The following SEPTIN7 variants were observed in gnomAD, a reference collection of about 807,000 sequenced individuals.
SEPTIN7 encodes septin 7, also known as septin-7.
In SEPTIN7, 10 loss-of-function variants were observed where a neutral mutation model predicts 63.3. The observed-to-expected ratio is 0.16, with a 90% CI of 0.10 to 0.27. The LOEUF is 0.27. SEPTIN7 is among the 10% of genes least tolerant of loss of function. SEPTIN7 has a pLI of 1.00. For missense variants in SEPTIN7, 310 were observed against 521.0 expected (o/e 0.59, Z 3.94); for synonymous variants, 131 against 165.3 (o/e 0.79, Z 1.59).
chr7:35,825,956 G>T (rs1783489021), intron 1 of SEPTIN7, among the ~76,000 whole-genome samples: 2 of 152,090 alleles, frequency 1.3e-5, no homozygotes, highest in African/African-American at 4.8e-5. Context: ...GTAAAAAGAG[G>T]AGAGCTGGGG....
rs1784778344 is a variant in SEPTIN7, at chr7:35,848,128, T to G, written c.169+15228T>G. On this transcript the variant is annotated intron_variant, in intron 3 of 13. Transcript: ENST00000350320. Reference sequence around the variant, plus strand: ...TGCTGTGTTTCTGCAAAATCTACTTTTTCTGATTCGTGTAACTCAAAACTA... The same window carrying G: ...TGCTGTGTTTCTGCAAAATCTACTTGTTCTGATTCGTGTAACTCAAAACTA... 2.0e-5 allele frequency: 3 copies of G among 152,238 alleles called. 1 individual carries two copies. Among genetic ancestry groups the G allele is most frequent in the South Asian group, 4.1e-4 (2 of 4,838 alleles). The allele number at this position is 152,238 out of a possible 1,614,324, so 9.4% of individuals were successfully genotyped here.
At chr7:35,909,733 T>C (rs1788705540), downstream of SEPTIN7, among the ~76,000 whole-genome samples, 2 of 152,234 alleles carry the variant, frequency 1.3e-5, no homozygotes, top group Admixed American at 1.3e-4. Context: ...TTCCACCTCT[T>C]TATAAAAACA....
chr7:35,892,187 C>T lies in SEPTIN7; in HGVS notation c.998+1394C>T, dbSNP rs536382467. The stretch of plus-strand genomic sequence containing the variant: ...TCCTGAAGGATCAACTATATAAATA[C>T]GAAAGACAAGTTCTCAAAATAGCTA... On this transcript the variant is annotated intron_variant, in intron 11 of 13. Coordinates refer to ENST00000350320, the MANE Select transcript of SEPTIN7 (RefSeq NM_001788.6). Among the ~76,000 whole-genome samples the T allele has an allele frequency of 7.9e-5, 12 of 152,242 alleles. No homozygotes were observed. In the South Asian group the frequency reaches 8.3e-4, roughly 11 times the overall value.
chr7:35,806,232 A>G (rs1425609602), intron 1 of SEPTIN7, among the ~76,000 whole-genome samples: 2 of 152,194 alleles, frequency 1.3e-5, no homozygotes, highest in African/African-American at 2.4e-5. Context: ...TCTTCCTGGA[A>G]CTCCTACCAC....
intron 4 of SEPTIN7, 58 bp from the exon 5 acceptor site, chr7:35,872,608 T>C (rs190057055): frequency 1.5e-4 from 198 of 1,322,046 alleles, no homozygotes; most frequent in Non-Finnish European, 1.8e-4. Context: ...CATCACCCCT[T>C]GTAGGAAATC....
chr7:35,852,500 G>C (rs1486827447), intron 3 of SEPTIN7, among the ~76,000 whole-genome samples: 1 of 152,008 alleles, frequency 6.6e-6, no homozygotes, highest in Non-Finnish European at 1.5e-5. Flanking sequence ...CACCTTCAGG[G>C]TACTTCTTAG....
intron 7 of SEPTIN7, among the ~76,000 whole-genome samples, chr7:35,880,796 G>T (rs1489752977): frequency 1.3e-5 from 2 of 152,048 alleles, no homozygotes; most frequent in Non-Finnish European, 2.9e-5. Flanking sequence ...TAGCTGGAAG[G>T]CCACTAAACT....
At chr7:35,843,972 T>A (rs2115995220) in intron 3 of SEPTIN7, among the ~76,000 whole-genome samples, 1 of 152,278 alleles carries the variant, frequency 6.6e-6, no homozygotes, top group Non-Finnish European at 1.5e-5. Context: ...GGCTATAAAT[T>A]GTTTATTATG....
chr7:35,898,491 A>G (rs1464427826), intron 12 of SEPTIN7, 108 bp downstream of exon 12: 1 of 672,860 alleles, frequency 1.5e-6, no homozygotes, highest in African/African-American at 1.8e-5. Context: ...ATTTTTTCAA[A>G]ATTAATACCC....
chr7:35,898,656 G>C (rs1257337127), intron 12 of SEPTIN7: 2 of 242,934 alleles, frequency 8.2e-6, no homozygotes, highest in Admixed American at 1.0e-4. Flanking sequence ...GAACAAGTTT[G>C]AGTTGTGAAA....
chr7:35,889,628 C>T (rs1331691521), intron 10 of SEPTIN7, among the ~76,000 whole-genome samples: 1 of 152,106 alleles, frequency 6.6e-6, no homozygotes, highest in East Asian at 1.9e-4. Flanking sequence ...ACTGCAACCT[C>T]CACTTCCTGG....
rs896206587 is a variant in SEPTIN7, at chr7:35,906,073, A to C, written c.*1780A>C. 6.6e-6 allele frequency: 1 copy of C among 152,152 alleles called. No homozygotes were observed. Among genetic ancestry groups the C allele is most frequent in the African/African-American group, 2.4e-5 (1 of 41,438 alleles). The allele number at this position is 152,152 out of a possible 1,614,324, so 9.4% of individuals were successfully genotyped here. ...GAGATTGGGTTAACACCTCTAGCCA[A>C]AATTGTTTGGTTTTAGGGAGGCTAA... On this transcript the variant is annotated 3_prime_UTR_variant, in exon 14 of 14. Transcript: ENST00000350320.
downstream of SEPTIN7, among the ~76,000 whole-genome samples, chr7:35,910,343 G>T (rs1245622804): frequency 2.0e-5 from 3 of 151,956 alleles, no homozygotes; most frequent in African/African-American, 7.3e-5. Flanking sequence ...TGACTTTCTG[G>T]GTATTCTTGA....
intron 1 of SEPTIN7, among the ~76,000 whole-genome samples, chr7:35,829,832 G>A (rs1159836101): frequency 6.6e-6 from 1 of 152,042 alleles, no homozygotes; most frequent in Non-Finnish European, 1.5e-5. Flanking sequence ...GTGAGGAGTG[G>A]GGTCGTAATT....
chr7:35,881,307 C>T (rs909622815), intron 7 of SEPTIN7, among the ~76,000 whole-genome samples: 1 of 151,428 alleles, frequency 6.6e-6, no homozygotes, highest in South Asian at 2.1e-4. Flanking sequence ...TTATGTGTTT[C>T]GATTTGGATT....
intron 3 of SEPTIN7, among the ~76,000 whole-genome samples, chr7:35,862,163 G>T (rs529377108): frequency 6.6e-6 from 1 of 152,020 alleles, no homozygotes; most frequent in South Asian, 2.1e-4. Flanking sequence ...AAAATCATCC[G>T]TATTGTACTA....
intron 11 of SEPTIN7, among the ~76,000 whole-genome samples, chr7:35,892,387 G>A (rs751811450): frequency 6.6e-6 from 1 of 152,054 alleles, no homozygotes; most frequent in Non-Finnish European, 1.5e-5. Context: ...AAAAATGTAA[G>A]GACCCATCAT....
At chr7:35,896,155 T>G (rs1408110136) in intron 11 of SEPTIN7, among the ~76,000 whole-genome samples, 3 of 152,236 alleles carry the variant, frequency 2.0e-5, no homozygotes, top group Non-Finnish European at 2.9e-5. Context: ...AGTCTCTTAT[T>G]TTCCCCCCTA....
intron 4 of SEPTIN7, among the ~76,000 whole-genome samples, chr7:35,866,889 G>A (rs1254078099): frequency 6.6e-6 from 1 of 152,156 alleles, no homozygotes; most frequent in Non-Finnish European, 1.5e-5. Context: ...AAGGCTTGTC[G>A]AAACACAGAT....
Sources: allele counts gnomAD v4.1 joint callset (sites outside exome capture counted in the v4.1 genomes callset), GRCh38; gene constraint gnomAD v4.1.1; transcripts MANE v1.5; gene names NCBI Gene and HGNC (gene_info 2026-07-23, HGNC 2026-07-21).